Variants in ABTB2 observed in about 807,000 individuals in gnomAD.
ABTB2 encodes the protein ankyrin repeat and BTB/POZ domain-containing protein 2.
A neutral mutation model predicts 104.1 loss-of-function variants in ABTB2; 56 were observed. The ratio of observed to expected loss-of-function variants is 0.54; its 90% CI spans 0.43 to 0.67. The LOEUF is 0.67. Ranked by LOEUF, ABTB2 falls within the 30% of genes least tolerant of loss-of-function variation. ABTB2 has a pLI of 0.00. For synonymous variants in ABTB2, 606 were observed against 608.2 expected (o/e 1.00, Z 0.05); for missense variants, 1,279 against 1,407.7 (o/e 0.91, Z 1.46).
At chr11:34,310,248 T>C (rs186775298) in intron 1 of ABTB2, among the ~76,000 whole-genome samples, 1 of 152,296 alleles carries the variant, frequency 6.6e-6, no homozygotes, top group African/African-American at 2.4e-5. Context: ...ATTTTCACTT[T>C]ACCACTTTAT....
At chr11:34,273,539 T>C (rs1854345171) in intron 1 of ABTB2, among the ~76,000 whole-genome samples, 1 of 152,114 alleles carries the variant, frequency 6.6e-6, no homozygotes, top group Non-Finnish European at 1.5e-5. Flanking sequence ...GTCTTCTGCT[T>C]AAAGACTCCT....
chr11:34,284,602 G>A (rs1189362820), intron 1 of ABTB2, among the ~76,000 whole-genome samples: 1 of 150,264 alleles, frequency 6.7e-6, no homozygotes, highest in Non-Finnish European at 1.5e-5. Context: ...AGACAGAGGT[G>A]AGGAGGTCAT....
At chr11:34,220,045 A>G in intron 1 of ABTB2, among the ~76,000 whole-genome samples, 1 of 152,250 alleles carries the variant, frequency 6.6e-6, no homozygotes, top group East Asian at 1.9e-4. Flanking sequence ...TAGTTAAGCA[A>G]CAATATGCAA....
chr11:34,357,244 C>T lies in ABTB2; in HGVS notation c.340G>A (p.Gly114Ser). The T allele has an allele frequency of 1.3e-6, 2 of 1,497,236 alleles. No homozygotes were observed. Among genetic ancestry groups the T allele is most frequent in the Middle Eastern group, 1.8e-4 (1 of 5,628 alleles). 92.7% of individuals were successfully genotyped at this position (1,497,236 alleles called of 1,614,324 possible). A position where few individuals can be genotyped will look rare whatever the true frequency, so the allele number is the denominator to read the frequency against. ...VARVLRKGAG[G>S]RRLPQFSAEA... ...GCGGAGAACTGGGGCAGCCGCCGGC[C>T]GCCAGCGCCTTTGCGGAGCACCCGG... Residue 114 changes from glycine to serine, a missense_variant, in exon 1 of 17, where the codon GGC becomes AGC. Physicochemically the swap from Gly to Ser is moderately conservative, Grantham distance 56 (BLOSUM62 0). Transcript: ENST00000435224.
intron 1 of ABTB2, among the ~76,000 whole-genome samples, chr11:34,234,589 C>T (rs1238244548): frequency 3.3e-5 from 5 of 152,160 alleles, no homozygotes; most frequent in African/African-American, 4.8e-5. Flanking sequence ...GAGAACACCT[C>T]GGATGCCAGC....
chr11:34,314,953 T>C (rs1345756770), intron 1 of ABTB2, among the ~76,000 whole-genome samples: 1 of 152,180 alleles, frequency 6.6e-6, no homozygotes, highest in Non-Finnish European at 1.5e-5. Context: ...ATGGCCCTAA[T>C]GGTTTCCATG....
chr11:34,197,438 G>T lies in ABTB2; in HGVS notation c.1131C>A (p.Ile377=). The T allele has an allele frequency of 1.9e-6, 3 of 1,605,278 alleles. No individual in the cohort carries two copies. Among genetic ancestry groups the T allele is most frequent in the Non-Finnish European group, 1.7e-6 (2 of 1,174,508 alleles). The change falls in exon 3 of 17, where the codon ATC becomes ATA. Residue 377 remains isoleucine (I), a synonymous_variant. Transcript: ENST00000435224. ...ARQARQPPQP[I]TWSPDALHTL... ...TGTGGAGGGCGTCGGGGGACCAAGT[G>T]ATGGGCTGTGGCGGCTGGCGGGCCT...
At chr11:34,186,595 G>A (rs148954229) in intron 3 of ABTB2, among the ~76,000 whole-genome samples, 1 of 152,200 alleles carries the variant, frequency 6.6e-6, no homozygotes, top group Non-Finnish European at 1.5e-5. Context: ...CCTCGGGCCC[G>A]GCAGTTCCCA....
intron 1 of ABTB2, among the ~76,000 whole-genome samples, chr11:34,332,353 C>T (rs1359206318): frequency 2.0e-5 from 3 of 152,158 alleles, no homozygotes; most frequent in Admixed American, 2.0e-4. Flanking sequence ...GAAGACCTAC[C>T]TTAAGGAAAG....
chr11:34,192,240 C>G (rs57545244), intron 3 of ABTB2, among the ~76,000 whole-genome samples: 6,026 of 152,202 alleles, frequency 0.04, 425 homozygotes, highest in African/African-American at 0.14. Context: ...AGGCAGTGAG[C>G]TGAGATTGTG....
intron 1 of ABTB2, among the ~76,000 whole-genome samples, chr11:34,289,029 C>T (rs1185990508): frequency 1.3e-5 from 2 of 152,208 alleles, no homozygotes; most frequent in African/African-American, 4.8e-5. Flanking sequence ...GGCGTCAGCA[C>T]TGCCTGAAAA....
chr11:34,339,484 TGTCAGTG>T (rs1030793582), intron 1 of ABTB2, among the ~76,000 whole-genome samples: 31 of 152,336 alleles, frequency 2.0e-4, no homozygotes, highest in Admixed American at 1.4e-3. Flanking sequence ...ATGAGTGATC[TGTCAGTG>T]CCAGAGAAGC....
At chr11:34,294,318 G>A (rs1854595943) in intron 1 of ABTB2, among the ~76,000 whole-genome samples, 1 of 152,104 alleles carries the variant, frequency 6.6e-6, no homozygotes, top group South Asian at 2.1e-4. Flanking sequence ...GCAACAGAGC[G>A]AGACGCTGTC....
At chr11:34,343,672 C>T (rs901752342) in intron 1 of ABTB2, among the ~76,000 whole-genome samples, 3 of 133,312 alleles carry the variant, frequency 2.3e-5, no homozygotes, top group African/African-American at 5.0e-5. Flanking sequence ...CAGGGTTTCA[C>T]CAAGTTGGCC....
At chr11:34,190,275 A>AAC (rs1853157898) in intron 3 of ABTB2, among the ~76,000 whole-genome samples, 1 of 149,862 alleles carries the variant, frequency 6.7e-6, no homozygotes, top group African/African-American at 2.4e-5. Flanking sequence ...GCCCCCCCAA[A>AAC]AAAAAAAAAA....
At chr11:34,245,224 C>G (rs1303099394) in intron 1 of ABTB2, among the ~76,000 whole-genome samples, 1 of 152,304 alleles carries the variant, frequency 6.6e-6, no homozygotes, top group South Asian at 2.1e-4. Flanking sequence ...AGGTTCAGCA[C>G]CGTTTCCTCT....
chr11:34,163,990 G>A (rs999869932), intron 9 of ABTB2, among the ~76,000 whole-genome samples: 1 of 152,072 alleles, frequency 6.6e-6, no homozygotes, highest in Non-Finnish European at 1.5e-5. Context: ...GGGGTGGGCT[G>A]GAGACAGCTG....
chr11:34,330,854 C>A (rs1434192789), intron 1 of ABTB2, among the ~76,000 whole-genome samples: 2 of 152,228 alleles, frequency 1.3e-5, no homozygotes, highest in African/African-American at 4.8e-5. Flanking sequence ...TATGTGCATG[C>A]AGTCAGATCC....
chr11:34,200,732 C>T (rs1366826653), intron 2 of ABTB2, among the ~76,000 whole-genome samples: 2 of 152,178 alleles, frequency 1.3e-5, no homozygotes, highest in East Asian at 3.8e-4. Flanking sequence ...AGGAAGCAAG[C>T]TTGCAAGAGT....
Sources: gnomAD v4.1 joint callset for allele counts (sites outside exome capture counted in the v4.1 genomes callset) on GRCh38, gnomAD v4.1.1 for gene constraint, MANE v1.5 for transcripts, NCBI Gene and HGNC (gene_info 2026-07-23, HGNC 2026-07-21) for gene names.